CCDC144A: variants seen among roughly 807,000 people sequenced by gnomAD.
CCDC144A encodes coiled-coil domain-containing protein 144A.
In CCDC144A, 41 loss-of-function variants were observed where a neutral mutation model predicts 143.8. The ratio of observed to expected loss-of-function variants is 0.29; its 90% CI spans 0.22 to 0.37. CCDC144A has a LOEUF of 0.37. Among genes scored for constraint, CCDC144A ranks in the 10% least tolerant of loss-of-function variants. The pLI, the probability that CCDC144A is intolerant of heterozygous loss-of-function variation, is 1.00. For missense variants in CCDC144A, 637 were observed against 1,488.8 expected (o/e 0.43, Z 9.41); for synonymous variants, 242 against 517.9 (o/e 0.47, Z 7.23).
upstream of CCDC144A, among the ~76,000 whole-genome samples, chr17:16,687,388 AT>A (rs1910821711): frequency 6.6e-6 from 1 of 152,024 alleles, no homozygotes; most frequent in African/African-American, 2.4e-5. Context: ...ATTCTCAGGA[AT>A]TTCTCTTGTC....
intron 9 of CCDC144A, among the ~76,000 whole-genome samples, chr17:16,729,637 C>G (rs1398373940): frequency 6.6e-6 from 1 of 151,636 alleles, no homozygotes; most frequent in African/African-American, 2.4e-5. Flanking sequence ...CTCATGGCTA[C>G]CTCTGCCTCC....
In CCDC144A at chr17:16,690,594, G is replaced by A; in HGVS notation, c.194G>A (p.Gly65Asp). ...AGCGTCGGCAGCGAGAGCAAGCACG[G>A]TGAGGGCGCCTTAGACCAGCCCCAG... ...KNSVGSESKH[G>D]EGALDQPQHD... The change falls in exon 1 of 17, where the codon GGT becomes GAT. Residue 65 changes from glycine (G) to aspartate (D), a missense_variant. By Grantham distance (94) the Gly-to-Asp change is moderately conservative. Transcript: ENST00000399273. 6.2e-7 allele frequency: 1 copy of A among 1,613,748 alleles called. No homozygotes were observed. The highest frequency in any genetic ancestry group is 8.5e-7 in the Non-Finnish European group (1 of 1,179,870).
chr17:16,737,072 A>G (rs890191936), intron 12 of CCDC144A, among the ~76,000 whole-genome samples: 105 of 151,296 alleles, frequency 6.9e-4, no homozygotes, highest in Non-Finnish European at 1.3e-3. Context: ...AACTAAATTC[A>G]GTAATAAACA....
the CCDC144A span, among the ~76,000 whole-genome samples, chr17:16,678,265 C>T: frequency 6.6e-6 from 1 of 151,956 alleles, no homozygotes; most frequent in Non-Finnish European, 1.5e-5. Context: ...CTCCCACTCT[C>T]CAACAAGACT....
intron 12 of CCDC144A, among the ~76,000 whole-genome samples, chr17:16,753,734 T>C (rs1203579800): frequency 6.6e-6 from 1 of 152,204 alleles, no homozygotes; most frequent in Non-Finnish European, 1.5e-5. Context: ...AGTTTGACTT[T>C]CTGTTTTCCA....
chr17:16,748,967 C>T (rs989261016), intron 12 of CCDC144A, among the ~76,000 whole-genome samples: 1 of 142,260 alleles, frequency 7.0e-6, no homozygotes, highest in African/African-American at 2.6e-5. Flanking sequence ...TTTAGATGTT[C>T]TCTGTTATTT....
the CCDC144A span, among the ~76,000 whole-genome samples, chr17:16,667,341 C>CTGAGGGGT: frequency 1.5e-5 from 2 of 136,688 alleles, no homozygotes; most frequent in African/African-American, 6.3e-5. Flanking sequence ...GCTGAGGCGG[C>CTGAGGGGT]TGAGGAGCTG....
At chr17:16,678,687 C>T in the CCDC144A span, among the ~76,000 whole-genome samples, 1 of 146,064 alleles carries the variant, frequency 6.8e-6, no homozygotes, top group Non-Finnish European at 1.5e-5. Context: ...CTGTGGCAAT[C>T]GTGCCATCTC....
intron 12 of CCDC144A, among the ~76,000 whole-genome samples, chr17:16,744,393 T>G (rs538744372): frequency 1.3e-5 from 2 of 152,360 alleles, no homozygotes; most frequent in East Asian, 3.9e-4. Flanking sequence ...TTTCTAGTAA[T>G]AGCCATTATG....
intron 12 of CCDC144A, among the ~76,000 whole-genome samples, chr17:16,743,080 G>A (rs1207139798): frequency 6.6e-6 from 1 of 152,080 alleles, no homozygotes. Context: ...TTTTAATATA[G>A]CTTTACTTGT....
the CCDC144A span, among the ~76,000 whole-genome samples, chr17:16,680,522 T>C: frequency 2.5e-4 from 37 of 149,762 alleles, no homozygotes; most frequent in African/African-American, 8.6e-4. Context: ...CACTCCAGCC[T>C]GGGCAACAGA....
intron 2 of CCDC144A, among the ~76,000 whole-genome samples, chr17:16,698,867 A>G (rs1911563754): frequency 1.3e-5 from 2 of 152,236 alleles, no homozygotes; most frequent in Non-Finnish European, 2.9e-5. Context: ...GGAAACTAAT[A>G]TAATGTCCTG....
At chr17:16,764,405 A>G (rs1440466936) in intron 15 of CCDC144A, 8 of 864,338 alleles carry the variant, frequency 9.3e-6, no homozygotes, top group African/African-American at 5.4e-5. Flanking sequence ...CCAAACTGAC[A>G]CATTTTAAAT....
rs866904701 is a variant in CCDC144A, at chr17:16,733,391, T to C, written c.2418+725T>C. Among the ~76,000 whole-genome samples, 442 of 147,950 alleles carry C rather than the reference T, an allele frequency of 3.0e-3. 5 individuals are homozygous for C. Among genetic ancestry groups the C allele is most frequent in the African/African-American group, 0.01 (416 of 40,346 alleles). On this transcript the variant is annotated intron_variant, in intron 11 of 16. Transcript: ENST00000399273. ...GGTGGCGGGAACCTGTAGTCCCAGC[T>C]ACTCGGGAGGCTGAGGCAGGAGAAT...
intron 11 of CCDC144A, 130 bp from the exon 12 acceptor site, chr17:16,734,560 G>A (rs971597308): frequency 6.2e-6 from 4 of 646,334 alleles, no homozygotes; most frequent in Admixed American, 3.3e-5. Context: ...TTGAAGTTTC[G>A]ATAGAATATT....
chr17:16,715,001 C>T (rs1260421564), intron 6 of CCDC144A, among the ~76,000 whole-genome samples: 2 of 152,172 alleles, frequency 1.3e-5, no homozygotes, highest in Non-Finnish European at 2.9e-5. Flanking sequence ...TTTTCCATTC[C>T]TTCAGTTCTT....
intron 12 of CCDC144A, among the ~76,000 whole-genome samples, chr17:16,751,729 C>G (rs1488390593): frequency 6.6e-6 from 1 of 152,204 alleles, no homozygotes; most frequent in Non-Finnish European, 1.5e-5. Flanking sequence ...TGCGGATCTG[C>G]GGGTCGTCTG....
At chr17:16,724,464 C>T (rs1473881329) in intron 8 of CCDC144A, among the ~76,000 whole-genome samples, 4 of 150,860 alleles carry the variant, frequency 2.7e-5, no homozygotes, top group African/African-American at 9.8e-5. Context: ...GAGCCGAGAT[C>T]CCGCCACTGC....
chr17:16,695,093 G>C (rs1232371124), intron 2 of CCDC144A, among the ~76,000 whole-genome samples: 1 of 152,120 alleles, frequency 6.6e-6, no homozygotes, highest in African/African-American at 2.4e-5. Flanking sequence ...TGCACGTTAT[G>C]GGAGACAAAC....
Sources: allele counts gnomAD v4.1 joint callset (sites outside exome capture counted in the v4.1 genomes callset), GRCh38; gene constraint gnomAD v4.1.1; transcripts MANE v1.5; gene names NCBI Gene and HGNC (gene_info 2026-07-23, HGNC 2026-07-21).